The following ARSF variants were observed in gnomAD, a reference collection of about 807,000 sequenced individuals.
ARSF encodes the protein arylsulfatase F.
ARSF carries 33 observed loss-of-function variants against 35.4 expected under a neutral mutation model. That is an observed-to-expected ratio of 0.93 (90% CI 0.71 to 1.25). ARSF has a LOEUF of 1.25. Ranked by LOEUF, ARSF falls within the 50% of genes most tolerant of loss-of-function variation. ARSF has a pLI of 0.00. For synonymous variants in ARSF, 222 were observed against 193.1 expected (o/e 1.15, Z -1.24); for missense variants, 501 against 480.2 (o/e 1.04, Z -0.40).
At chrX:3,073,601 AAATAT>A (rs2090124003) in intron 3 of ARSF, among the ~76,000 whole-genome samples, 1 of 99,189 alleles carries the variant, frequency 1.0e-5, no homozygotes, top group Non-Finnish European at 2.0e-5. Context: ...TAATATAAAT[AAATAT>A]AATATAAATA....
At chrX:3,068,197 G>A in intron 2 of ARSF, 86 bp downstream of exon 2, 1 of 900,439 alleles carries the variant, frequency 1.1e-6, no homozygotes, top group Non-Finnish European at 1.5e-6. Context: ...TATAGGTAGA[G>A]GCATTTAATA....
At chrX:3,089,836 C>G (rs1276845557) in intron 7 of ARSF, among the ~76,000 whole-genome samples, 1 of 112,484 alleles carries the variant, frequency 8.9e-6, no homozygotes, top group Admixed American at 9.4e-5. Flanking sequence ...TCTTTGCATG[C>G]TGTCCACTTA....
chrX:3,040,627 G>A (rs181699420), upstream of ARSF, among the ~76,000 whole-genome samples: 267 of 111,033 alleles, frequency 2.4e-3, no homozygotes, highest in Middle Eastern at 4.7e-3. Context: ...GAAAAGAAAG[G>A]GAGTTTTGCT....
chrX:3,103,642 A>C (rs1441556336), intron 8 of ARSF, 120 bp from the exon 9 acceptor site: 1 of 844,123 alleles, frequency 1.2e-6, no homozygotes, highest in African/African-American at 2.0e-5. Flanking sequence ...AGGACTCTAC[A>C]TAGAGTAGAC....
chrX:3,081,130 G>T lies in ARSF; in HGVS notation c.406+117G>T, dbSNP rs45550436. On this transcript the variant is annotated intron_variant, in intron 5 of 10. Transcript: ENST00000381127. ...ATTTTACAATGTCTTATGTAAAGGC[G>T]CAGTGGCCCATGCCTACAATCCCAG... 13 of 977,634 alleles carry T rather than the reference G, an allele frequency of 1.3e-5. No individual in the cohort carries two copies. In the South Asian group the frequency reaches 1.6e-4, roughly 12 times the overall value. The allele number at this position is 977,634 out of a possible 1,213,427, so 80.6% of individuals were successfully genotyped here.
intron 6 of ARSF, among the ~76,000 whole-genome samples, chrX:3,088,663 C>T (rs1032501430): frequency 2.9e-4 from 32 of 110,226 alleles, no homozygotes; most frequent in East Asian, 2.8e-4. Flanking sequence ...CTGGGTTCAG[C>T]GATTCTCCCA....
chrX:3,098,822 TA>T (rs1336333426), intron 7 of ARSF, among the ~76,000 whole-genome samples: 3 of 111,345 alleles, frequency 2.7e-5, no homozygotes, highest in Non-Finnish European at 5.7e-5. Flanking sequence ...TTCCTCCTTA[TA>T]ATTTTCTTTA....
intron 7 of ARSF, among the ~76,000 whole-genome samples, chrX:3,095,019 A>G (rs2090329912): frequency 9.3e-6 from 1 of 107,792 alleles, no homozygotes; most frequent in Non-Finnish European, 1.9e-5. Context: ...AATCATTTCC[A>G]TGGTTGTAAT....
intron 1 of ARSF, chrX:3,066,757 A>T (rs1170183300): frequency 9.0e-6 from 1 of 110,871 alleles, no homozygotes; most frequent in African/African-American, 3.3e-5. Context: ...GAGAGGTGAC[A>T]CGGAGCAGCT....
chrX:3,076,582 G>A lies in ARSF; in HGVS notation c.196G>A (p.Val66Met), dbSNP rs2147502389. 2.5e-6 allele frequency: 3 copies of A among 1,209,454 alleles called. No homozygotes were observed. Among genetic ancestry groups the A allele is most frequent in the Non-Finnish European group, 3.4e-6 (3 of 894,748 alleles). Residue 66 changes from valine (V) to methionine (M), a missense_variant, in exon 4 of 11, where the codon GTG (valine) becomes ATG (methionine). Val to Met is a conservative substitution (Grantham distance 21). Coordinates refer to ENST00000381127, the MANE Select transcript of ARSF (RefSeq NM_001201539.2). ...PHIDRLAREG[V>M]RLTQHISAAS... is the part of the protein sequence containing the mutation. ...CATCGACCGCCTTGCCAGGGAAGGC[G>A]TGCGACTGACTCAGCACATCTCTGC...
chrX:3,103,515 A>G (rs2090392981), intron 8 of ARSF, among the ~76,000 whole-genome samples: 1 of 111,722 alleles, frequency 9.0e-6, no homozygotes, highest in East Asian at 2.8e-4. Context: ...AGTAGAGAAA[A>G]TAGCCATGCA....
chrX:3,076,305 C>T, intron 3 of ARSF, among the ~76,000 whole-genome samples: 1 of 100,784 alleles, frequency 9.9e-6, no homozygotes, highest in Middle Eastern at 5.0e-3. Flanking sequence ...TTTTCTCTTT[C>T]TATCCTTTTC....
intron 6 of ARSF, among the ~76,000 whole-genome samples, chrX:3,087,807 T>C (rs2090258775): frequency 9.1e-6 from 1 of 110,475 alleles, no homozygotes; most frequent in African/African-American, 3.3e-5. Flanking sequence ...TCTTCTCCTA[T>C]AGGGACAACA....
chrX:3,104,348 C>T (rs899759912), intron 9 of ARSF, among the ~76,000 whole-genome samples: 1 of 111,799 alleles, frequency 8.9e-6, no homozygotes, highest in African/African-American at 3.2e-5. Context: ...GCTTATTTCA[C>T]TTAACATAAT....
chrX:3,082,349 T>G (rs2090208092), intron 5 of ARSF, among the ~76,000 whole-genome samples: 1 of 111,405 alleles, frequency 9.0e-6, no homozygotes, highest in African/African-American at 3.3e-5. Context: ...CATCCATCCA[T>G]CAACCCATAT....
intron 1 of ARSF, among the ~76,000 whole-genome samples, chrX:3,042,966 C>T (rs1230745064): frequency 4.6e-5 from 5 of 109,407 alleles, no homozygotes; most frequent in Non-Finnish European, 7.6e-5. Context: ...ACCAGCCTGA[C>T]CAACACAGTG....
intron 7 of ARSF, among the ~76,000 whole-genome samples, chrX:3,094,364 A>G (rs936050): frequency 0.25 from 27,976 of 110,946 alleles, 2,718 homozygotes; most frequent in African/African-American, 0.32. Context: ...CAGTAGCCCC[A>G]TTAGACTCCT....
At chrX:3,082,064 C>A (rs1471201431) in intron 5 of ARSF, among the ~76,000 whole-genome samples, 1 of 111,389 alleles carries the variant, frequency 9.0e-6, no homozygotes, top group Non-Finnish European at 1.9e-5. Context: ...CTTGATGGGG[C>A]CCTCACCACA....
At chrX:3,102,202 G>A (rs1312213199) in intron 8 of ARSF, among the ~76,000 whole-genome samples, 3 of 111,180 alleles carry the variant, frequency 2.7e-5, no homozygotes, top group African/African-American at 9.8e-5. Flanking sequence ...TTCTTTAGTG[G>A]TGATTTCTGA....
Sources: allele counts gnomAD v4.1 joint callset (sites outside exome capture counted in the v4.1 genomes callset), GRCh38; gene constraint gnomAD v4.1.1; transcripts MANE v1.5; gene names NCBI Gene and HGNC (gene_info 2026-07-23, HGNC 2026-07-21).